Variants in GRIK2 observed in about 807,000 individuals in gnomAD.
GRIK2 encodes glutamate receptor ionotropic, kainate 2.
A neutral mutation model predicts 100.3 loss-of-function variants in GRIK2; 32 were observed. That is an observed-to-expected ratio of 0.32 (90% CI 0.24 to 0.43). GRIK2 has a LOEUF of 0.43. GRIK2 is among the 20% of genes least tolerant of loss of function. The probability of loss-of-function intolerance (pLI) is 1.00; values close to 1 mark genes in which losing one functional copy is unlikely to be tolerated. For synonymous variants in GRIK2, 417 were observed against 389.4 expected (o/e 1.07, Z -0.83); for missense variants, 843 against 1,114.9 (o/e 0.76, Z 3.47).
intron 2 of GRIK2, among the ~76,000 whole-genome samples, chr6:101,496,702 T>G (rs1421140476): frequency 2.0e-5 from 3 of 152,190 alleles, no homozygotes; most frequent in Non-Finnish European, 4.4e-5. Context: ...CATGTATTTT[T>G]GGGTTTTGTA....
intron 2 of GRIK2, among the ~76,000 whole-genome samples, chr6:101,581,673 C>T (rs541791867): frequency 2.0e-4 from 30 of 152,210 alleles, no homozygotes; most frequent in African/African-American, 6.7e-4. Flanking sequence ...AAGAATACTC[C>T]ATGCCTTCCA....
intron 4 of GRIK2, among the ~76,000 whole-genome samples, chr6:101,666,352 G>A (rs1770028708): frequency 6.6e-6 from 1 of 152,152 alleles, no homozygotes. Context: ...TGCCAACTAG[G>A]CAAGCTCACT....
intron 10 of GRIK2, among the ~76,000 whole-genome samples, chr6:101,846,301 T>G (rs1783808465): frequency 6.6e-6 from 1 of 152,144 alleles, no homozygotes; most frequent in African/African-American, 2.4e-5. Flanking sequence ...TCTTTTACAT[T>G]TAGATCATGA....
intron 7 of GRIK2, among the ~76,000 whole-genome samples, chr6:101,691,303 CTTT>C (rs367732807): frequency 2.8e-5 from 4 of 141,100 alleles, no homozygotes; most frequent in Non-Finnish European, 1.6e-5. Flanking sequence ...ACTTTTTTTT[CTTT>C]TTTTTTTTTT....
chr6:101,494,002 G>A (rs1028172885), intron 2 of GRIK2, among the ~76,000 whole-genome samples: 111 of 123,540 alleles, frequency 9.0e-4, no homozygotes, highest in African/African-American at 3.1e-3. Context: ...TTATAAAAAT[G>A]TATATATTAT....
chr6:102,060,599 T>C (rs554668486), intron 16 of GRIK2, among the ~76,000 whole-genome samples: 1 of 150,806 alleles, frequency 6.6e-6, no homozygotes, highest in Admixed American at 6.6e-5. Flanking sequence ...ACTTTTGGGG[T>C]AAGGTATAGG....
At chr6:101,708,617 C>T (rs537399483) in intron 7 of GRIK2, among the ~76,000 whole-genome samples, 5 of 151,506 alleles carry the variant, frequency 3.3e-5, no homozygotes, top group South Asian at 4.2e-4. Flanking sequence ...GATTGTCTTC[C>T]GTTACTTAAT....
intron 15 of GRIK2, among the ~76,000 whole-genome samples, chr6:102,051,248 C>T (rs561245967): frequency 8.3e-5 from 12 of 143,752 alleles, no homozygotes; most frequent in African/African-American, 3.1e-4. Context: ...TGCTTCCCTC[C>T]CTCCCTTCCT....
intron 7 of GRIK2, among the ~76,000 whole-genome samples, chr6:101,758,660 T>C (rs1777290959): frequency 6.6e-6 from 1 of 152,182 alleles, no homozygotes; most frequent in African/African-American, 2.4e-5. Flanking sequence ...AATCCTGAAC[T>C]GAGAGATTTA....
At chr6:101,735,231 T>A (rs2128373708) in intron 7 of GRIK2, among the ~76,000 whole-genome samples, 1 of 152,228 alleles carries the variant, frequency 6.6e-6, no homozygotes, top group African/African-American at 2.4e-5. Flanking sequence ...AATGTAGCGA[T>A]AAAGGATCTG....
At chr6:101,740,363 G>C (rs1246655022) in intron 7 of GRIK2, among the ~76,000 whole-genome samples, 1 of 152,106 alleles carries the variant, frequency 6.6e-6, no homozygotes, top group Admixed American at 6.6e-5. Flanking sequence ...TGTTAACAGT[G>C]CATGGCAGAT....
chr6:101,614,111 T>C (rs1779797036), intron 2 of GRIK2, among the ~76,000 whole-genome samples: 1 of 151,654 alleles, frequency 6.6e-6, no homozygotes, highest in South Asian at 2.1e-4. Flanking sequence ...CCAGATGATT[T>C]ACAGATTGTA....
intron 15 of GRIK2, among the ~76,000 whole-genome samples, chr6:102,050,732 C>A (rs1582790179): frequency 7.2e-5 from 9 of 125,006 alleles, no homozygotes; most frequent in Admixed American, 1.7e-4. Context: ...GGAAAGGGAA[C>A]ACAGAGGAAT....
At chr6:101,828,701 C>T (rs983168703) in intron 10 of GRIK2, among the ~76,000 whole-genome samples, 2 of 151,952 alleles carry the variant, frequency 1.3e-5, no homozygotes, top group Non-Finnish European at 2.9e-5. Context: ...AAACACACAA[C>T]CTTCCAAGAT....
intron 14 of GRIK2, among the ~76,000 whole-genome samples, chr6:101,955,615 T>TCTCTCTCTC (rs1405718742): frequency 3.2e-5 from 3 of 93,138 alleles, no homozygotes; most frequent in African/African-American, 1.3e-4. Flanking sequence ...TCTCTCTCTC[T>TCTCTCTCTC]CCCCCCCATT....
chr6:101,548,050 T>G (rs1228185371), intron 2 of GRIK2, among the ~76,000 whole-genome samples: 7 of 151,954 alleles, frequency 4.6e-5, no homozygotes, highest in Non-Finnish European at 8.8e-5. Flanking sequence ...TGGTTTTGAT[T>G]TGCATTTCTC....
At chr6:101,694,782 G>C (rs889748859) in intron 7 of GRIK2, among the ~76,000 whole-genome samples, 2 of 151,724 alleles carry the variant, frequency 1.3e-5, no homozygotes, top group Non-Finnish European at 2.9e-5. Flanking sequence ...GGAGTAGACT[G>C]GTGGTAATTA....
At chr6:101,514,849 G>C (rs1281694076) in intron 2 of GRIK2, among the ~76,000 whole-genome samples, 5 of 152,084 alleles carry the variant, frequency 3.3e-5, no homozygotes, top group Non-Finnish European at 7.4e-5. Flanking sequence ...TATAATTTTT[G>C]AAGAAATCTT....
At chr6:101,738,337 AAAT>A (rs1367101058) in intron 7 of GRIK2, among the ~76,000 whole-genome samples, 2 of 151,876 alleles carry the variant, frequency 1.3e-5, no homozygotes, top group African/African-American at 4.9e-5. Flanking sequence ...ATACTCCTGA[AAAT>A]AATCTCTCTC....
Sources: allele counts gnomAD v4.1 joint callset (sites outside exome capture counted in the v4.1 genomes callset), GRCh38; gene constraint gnomAD v4.1.1; transcripts MANE v1.5; gene names NCBI Gene and HGNC (gene_info 2026-07-23, HGNC 2026-07-21).